The following KCNIP1 variants were observed in gnomAD, a reference collection of about 807,000 sequenced individuals.
KCNIP1 encodes the protein A-type potassium channel modulatory protein KCNIP1.
A neutral mutation model predicts 33.0 loss-of-function variants in KCNIP1; 18 were observed. That is an observed-to-expected ratio of 0.55 (90% CI 0.38 to 0.81). The LOEUF (loss-of-function observed/expected upper bound fraction) is 0.81. KCNIP1 is among the 30% of genes least tolerant of loss of function. The pLI is 0.00. For synonymous variants in KCNIP1, 93 were observed against 98.3 expected (o/e 0.95, Z 0.32); for missense variants, 238 against 271.6 (o/e 0.88, Z 0.87).
chr5:170,720,474 C>A, intron 3 of KCNIP1, 84 bp downstream of exon 3: 1 of 1,073,818 alleles, frequency 9.3e-7, no homozygotes, highest in Non-Finnish European at 1.4e-6. Context: ...TCTTCCTTGC[C>A]ATTTGCTTCC....
chr5:170,514,602 T>A (rs916314820), intron 1 of KCNIP1, among the ~76,000 whole-genome samples: 2 of 152,234 alleles, frequency 1.3e-5, no homozygotes, highest in Admixed American at 1.3e-4. Flanking sequence ...TTTAAGGAAG[T>A]CTGCCAAATT....
At chr5:170,621,565 C>T (rs1282321662) in intron 1 of KCNIP1, among the ~76,000 whole-genome samples, 2 of 152,134 alleles carry the variant, frequency 1.3e-5, no homozygotes, top group African/African-American at 4.8e-5. Context: ...GGCTGGAGTG[C>T]ACTGGCACCA....
In KCNIP1 at chr5:170,396,122, A is replaced by C. The variant is rs551760088; in HGVS notation, c.88+42158A>C. On this transcript the variant is annotated intron_variant, in intron 1 of 7. Transcript: ENST00000377360. ...GCCAGCACACCACTTTAGAGGATAC[A>C]CTTCAACTGGGAAACCTGAGGAGGT... 8.5e-5 allele frequency among the ~76,000 whole-genome samples: 13 copies of C among 152,348 alleles called. No homozygotes were observed. The South Asian group carries it at 2.7e-3, about 32-fold the overall frequency.
At chr5:170,558,862 T>G (rs558170280) in intron 1 of KCNIP1, among the ~76,000 whole-genome samples, 1 of 152,310 alleles carries the variant, frequency 6.6e-6, no homozygotes, top group South Asian at 2.1e-4. Flanking sequence ...AAATTGCCAA[T>G]TGACATATGG....
At chr5:170,514,796 C>T (rs1410830546) in intron 1 of KCNIP1, among the ~76,000 whole-genome samples, 1 of 152,184 alleles carries the variant, frequency 6.6e-6, no homozygotes, top group Non-Finnish European at 1.5e-5. Context: ...GTATCGGGCA[C>T]CTGCTGCATG....
At chr5:170,483,000 TTTAAA>T (rs1757008609) in intron 1 of KCNIP1, 2 of 434,976 alleles carry the variant, frequency 4.6e-6, no homozygotes, top group South Asian at 3.3e-5. Context: ...TAGCCTAAAT[TTTAAA>T]TTAAAGTATG....
At chr5:170,613,986 G>GTCTACTGGGGAGGTGATGA (rs1170183135) in intron 1 of KCNIP1, among the ~76,000 whole-genome samples, 3 of 152,146 alleles carry the variant, frequency 2.0e-5, no homozygotes, top group African/African-American at 7.2e-5. Flanking sequence ...CAGCTCCGGT[G>GTCTACTGGGGAGGTGATGA]TCTACTGGGG....
chr5:170,568,477 C>T (rs1757274393), intron 1 of KCNIP1, among the ~76,000 whole-genome samples: 1 of 151,792 alleles, frequency 6.6e-6, no homozygotes, highest in South Asian at 2.1e-4. Context: ...GAGCTCACCG[C>T]CTCCTGAGAC....
At chr5:170,628,356 A>T (rs1270611096) in intron 1 of KCNIP1, among the ~76,000 whole-genome samples, 2 of 152,026 alleles carry the variant, frequency 1.3e-5, no homozygotes, top group Non-Finnish European at 2.9e-5. Flanking sequence ...AACAGCCCAC[A>T]CTCACAGTGA....
rs141958245 is a variant in KCNIP1 at position 170,504,557 on chromosome 5, T to G, written c.-16T>G. 2.1e-3 allele frequency: 3,329 copies of G among 1,613,018 alleles called. 69 individuals are homozygous for G. In the African/African-American group the frequency reaches 0.039, roughly 19 times the overall value. On this transcript the variant is annotated 5_prime_UTR_variant, in exon 1 of 8. Transcript: ENST00000328939. The surrounding 1 kb of genome is among the most constrained non-coding windows in gnomAD (Gnocchi z 6.0). Reference sequence around the variant, plus strand: ...CCGGGCCCGGGGTCCCAACTCGCACTCAAGTCTTCGCTGCCATGGGGGCCG... The same window carrying G: ...CCGGGCCCGGGGTCCCAACTCGCACGCAAGTCTTCGCTGCCATGGGGGCCG...
chr5:170,723,298 G>A (rs1468160615), intron 5 of KCNIP1, among the ~76,000 whole-genome samples: 1 of 152,188 alleles, frequency 6.6e-6, no homozygotes, highest in Non-Finnish European at 1.5e-5. Context: ...GTAATGGAAG[G>A]TACAGCTGTC....
exon 1 of KCNIP1, chr5:170,353,862 C>T (rs1489454773): frequency 8.7e-6 from 14 of 1,613,038 alleles, no homozygotes; most frequent in African/African-American, 1.3e-5. Context: ...CAGAGCCTGG[C>T]TCCCCTCCGC....
chr5:170,524,329 A>G lies in KCNIP1; in HGVS notation c.61+19696A>G, dbSNP rs114239931. Among the ~76,000 whole-genome samples, 677 of 152,230 alleles carry G rather than the reference A, an allele frequency of 4.4e-3. 6 individuals carry two copies. The highest frequency in any genetic ancestry group is 0.015 in the African/African-American group (641 of 41,542). On this transcript the variant is annotated intron_variant, in intron 1 of 7. Transcript: ENST00000328939. ...CACATGCACTTCTCCCAGTTGTCCA[A>G]TGTGGCTTTGCCAAGCCTGAGCATA...
intron 1 of KCNIP1, among the ~76,000 whole-genome samples, chr5:170,418,682 C>T (rs1322952910): frequency 1.3e-5 from 2 of 152,218 alleles, no homozygotes; most frequent in Non-Finnish European, 2.9e-5. Context: ...GTCTCCTCCT[C>T]ACCACTAACA....
rs1016483590 is a variant in KCNIP1, at chr5:170,722,402, C to T, written c.328-311C>T. 4.6e-5 allele frequency among the ~76,000 whole-genome samples: 7 copies of T among 152,064 alleles called. No individual in the cohort carries two copies. In the South Asian group the frequency reaches 8.3e-4, roughly 18 times the overall value. ...CCACGTCCTCAGCCACTAGACCATA[C>T]GGCCACTGGGATGATAGACAGACCA... On this transcript the variant is annotated intron_variant, in intron 4 of 7. Coordinates refer to ENST00000328939, the MANE Select transcript of KCNIP1 (RefSeq NM_014592.4).
intron 1 of KCNIP1, among the ~76,000 whole-genome samples, chr5:170,630,021 G>A (rs962831497): frequency 6.6e-6 from 1 of 152,222 alleles, no homozygotes; most frequent in Non-Finnish European, 1.5e-5. Flanking sequence ...CCTGCACCAG[G>A]CTGGGCCTGG....
At chr5:170,568,648 T>A (rs1393817351) in intron 1 of KCNIP1, among the ~76,000 whole-genome samples, 11 of 43,726 alleles carry the variant, frequency 2.5e-4, no homozygotes, top group East Asian at 9.3e-4. Flanking sequence ...CCGTTTCTAC[T>A]AAAAAAAAAA....
At chr5:170,491,943 C>CT (rs1398278420) in intron 1 of KCNIP1, among the ~76,000 whole-genome samples, 1 of 152,200 alleles carries the variant, frequency 6.6e-6, no homozygotes, top group Non-Finnish European at 1.5e-5. Flanking sequence ...TAGAGGAGCC[C>CT]TTGTTTTCTG....
intron 1 of KCNIP1, among the ~76,000 whole-genome samples, chr5:170,514,640 G>A (rs1478828656): frequency 6.6e-6 from 1 of 152,072 alleles, no homozygotes; most frequent in East Asian, 1.9e-4. Flanking sequence ...GACTACTTTA[G>A]TGACTTTTCT....
Sources: allele counts gnomAD v4.1 joint callset (sites outside exome capture counted in the v4.1 genomes callset), GRCh38; gene constraint gnomAD v4.1.1; non-coding constraint Gnocchi (gnomAD v3.1); transcripts MANE v1.5; gene names NCBI Gene and HGNC (gene_info 2026-07-23, HGNC 2026-07-21).